VPS37C: variants seen among roughly 807,000 people sequenced by gnomAD.
VPS37C encodes the protein vacuolar protein sorting-associated protein 37C.
Under a neutral mutation model 16.1 loss-of-function variants are expected in VPS37C, and 9 were observed. The observed-to-expected ratio is 0.56, with a 90% CI of 0.34 to 0.97. The LOEUF (loss-of-function observed/expected upper bound fraction) is 0.97, where lower values mean the gene tolerates loss of function less well. VPS37C is among the 50% of genes least tolerant of loss of function. The pLI is 0.02. For missense variants in VPS37C, 479 were observed against 472.7 expected (o/e 1.01, Z -0.12); for synonymous variants, 207 against 206.4 (o/e 1.00, Z -0.02).
At chr11:61,151,292 T>C (rs1853295118) in intron 1 of VPS37C, among the ~76,000 whole-genome samples, 2 of 152,210 alleles carry the variant, frequency 1.3e-5, no homozygotes, top group African/African-American at 4.8e-5. Flanking sequence ...GATGCTGTCC[T>C]AACAAATACT....
At chr11:61,149,938 G>A (rs1022115357) in intron 1 of VPS37C, among the ~76,000 whole-genome samples, 1 of 152,182 alleles carries the variant, frequency 6.6e-6, no homozygotes, top group South Asian at 2.1e-4. Context: ...AAGCCACTCA[G>A]CCGGCTGGGA....
intron 1 of VPS37C, among the ~76,000 whole-genome samples, chr11:61,139,820 TGC>T (rs1861443779): frequency 6.6e-6 from 1 of 150,622 alleles, no homozygotes; most frequent in African/African-American, 2.4e-5. Flanking sequence ...CAGGGCTCAC[TGC>T]AGCCTTGATC....
intron 1 of VPS37C, among the ~76,000 whole-genome samples, chr11:61,150,079 C>A (rs1853274255): frequency 1.3e-5 from 2 of 151,958 alleles, no homozygotes; most frequent in African/African-American, 4.8e-5. Context: ...CCTCCACACA[C>A]ACCTGCATTC....
chr11:61,138,924 C>T (rs1027484033), intron 1 of VPS37C, 89 bp from the exon 2 acceptor site: 47 of 1,258,244 alleles, frequency 3.7e-5, no homozygotes, highest in Non-Finnish European at 5.1e-5. Flanking sequence ...CAAAAACAAA[C>T]TGGAGTTTTC....
intron 1 of VPS37C, among the ~76,000 whole-genome samples, chr11:61,140,950 C>A (rs1244854995): frequency 2.0e-5 from 3 of 152,244 alleles, no homozygotes; most frequent in Non-Finnish European, 2.9e-5. Context: ...GTGGCTCACA[C>A]CTGTAATCCC....
intron 2 of VPS37C, chr11:61,138,333 TGG>T (rs1315244048): frequency 5.1e-5 from 9 of 175,332 alleles, no homozygotes; most frequent in Non-Finnish European, 1.1e-4. Context: ...CAGGATCAAA[TGG>T]GAGACGAGCT....
rs1246458106 is a variant in VPS37C, at chr11:61,130,491, A to AGCAGCCCCG, written c.*1320_*1328dup. ...AAGGTCAAGGTCCCTCCTTGGCCCCAGCAGCCCCGGGCCCACCAGATGCTG... is the reference window on the plus strand; with the variant it reads ...AAGGTCAAGGTCCCTCCTTGGCCCCAGCAGCCCCGGCAGCCCCGGGCCCACCAGATGCTG... On this transcript the variant is annotated 3_prime_UTR_variant, in exon 5 of 5. Transcript: ENST00000301765. The AGCAGCCCCG allele has an allele frequency of 5.2e-6, 1 of 193,720 alleles. No individual in the cohort carries two copies. The highest frequency in any genetic ancestry group is 1.1e-5 in the Non-Finnish European group (1 of 94,872). 12.0% of individuals were successfully genotyped at this position (193,720 alleles called of 1,614,324 possible).
chr11:61,135,186 T>C (rs536741135), intron 2 of VPS37C, among the ~76,000 whole-genome samples: 2 of 152,314 alleles, frequency 1.3e-5, no homozygotes, highest in East Asian at 3.9e-4. Flanking sequence ...CAAGCCAGAC[T>C]GGCTCATGCC....
chr11:61,141,362 G>A (rs1379145474), intron 1 of VPS37C, among the ~76,000 whole-genome samples: 7 of 150,556 alleles, frequency 4.6e-5, no homozygotes, highest in African/African-American at 7.3e-5. Context: ...AGCAAGACTC[G>A]GTCTCAAAAA....
At chr11:61,140,951 C>G (rs573267619) in intron 1 of VPS37C, among the ~76,000 whole-genome samples, 2 of 152,316 alleles carry the variant, frequency 1.3e-5, no homozygotes, top group South Asian at 2.1e-4. Context: ...TGGCTCACAC[C>G]TGTAATCCCA....
intron 1 of VPS37C, among the ~76,000 whole-genome samples, chr11:61,140,124 C>T (rs1861449841): frequency 6.6e-6 from 1 of 152,148 alleles, no homozygotes; most frequent in Non-Finnish European, 1.5e-5. Context: ...AATCTAGGGT[C>T]CTCCACAGCC....
At chr11:61,155,404 TGGGA>T (rs1853362771) in intron 1 of VPS37C, among the ~76,000 whole-genome samples, 2 of 150,658 alleles carry the variant, frequency 1.3e-5, no homozygotes, top group Admixed American at 1.3e-4. Context: ...GACCCTGAGG[TGGGA>T]GGATCACTTG....
At chr11:61,151,819 A>T (rs1436449898) in intron 1 of VPS37C, among the ~76,000 whole-genome samples, 1 of 152,232 alleles carries the variant, frequency 6.6e-6, no homozygotes, top group Admixed American at 6.5e-5. Context: ...AATGACGGCC[A>T]AGAAACAGGT....
intron 1 of VPS37C, among the ~76,000 whole-genome samples, chr11:61,158,599 T>TCCTGCTTGAGGTGGGAC (rs1853415915): frequency 6.6e-6 from 1 of 152,218 alleles, no homozygotes; most frequent in African/African-American, 2.4e-5. Flanking sequence ...CTAGTTGTAA[T>TCCTGCTTGAGGTGGGAC]CCTGCTTGAG....
intron 2 of VPS37C, 65 bp from the exon 3 acceptor site, chr11:61,134,272 G>C: frequency 6.5e-7 from 1 of 1,546,438 alleles, no homozygotes; most frequent in South Asian, 1.2e-5. Flanking sequence ...TGGCAGCCTG[G>C]GTCAGGGGCT....
At chr11:61,139,892 G>A (rs188033373) in intron 1 of VPS37C, among the ~76,000 whole-genome samples, 8 of 152,052 alleles carry the variant, frequency 5.3e-5, no homozygotes, top group Admixed American at 3.9e-4. Context: ...ATAGGTGTGC[G>A]TTACCACCTC....
intron 1 of VPS37C, among the ~76,000 whole-genome samples, chr11:61,145,714 G>T (rs961695660): frequency 6.6e-6 from 1 of 152,208 alleles, no homozygotes; most frequent in South Asian, 2.1e-4. Flanking sequence ...ATCACCCAAC[G>T]CAAGGGACAA....
intron 1 of VPS37C, among the ~76,000 whole-genome samples, chr11:61,149,007 C>T (rs916449729): frequency 3.3e-5 from 5 of 152,232 alleles, no homozygotes; most frequent in African/African-American, 4.8e-5. Context: ...AGGGGCCAGG[C>T]GCGGTGGCTC....
At chr11:61,138,632 G>C (rs1226607125) in intron 2 of VPS37C, 105 bp downstream of exon 2, 1 of 1,010,376 alleles carries the variant, frequency 9.9e-7, no homozygotes, top group Non-Finnish European at 1.5e-6. Context: ...AGAAAAGGGA[G>C]ATGAATTTGG....
Sources: allele counts gnomAD v4.1 joint callset (sites outside exome capture counted in the v4.1 genomes callset), GRCh38; gene constraint gnomAD v4.1.1; transcripts MANE v1.5; gene names NCBI Gene and HGNC (gene_info 2026-07-23, HGNC 2026-07-21).